The following HSPG2 variants were observed in gnomAD, a reference collection of about 807,000 sequenced individuals.
The protein encoded by HSPG2 is basement membrane-specific heparan sulfate proteoglycan core protein.
In HSPG2, 278 loss-of-function variants were observed where a neutral mutation model predicts 526.6. The observed-to-expected ratio is 0.53, with a 90% CI of 0.48 to 0.58. The LOEUF (loss-of-function observed/expected upper bound fraction) is 0.58. Among genes scored for constraint, HSPG2 ranks in the 20% least tolerant of loss-of-function variants. The pLI, the probability that HSPG2 is intolerant of heterozygous loss-of-function variation, is 0.00. For missense variants in HSPG2, 5,354 were observed against 6,099.5 expected, an observed-to-expected ratio of 0.88 and a Z score of 4.07; for synonymous variants, 2,465 against 2,555.4, an observed-to-expected ratio of 0.96 and a Z score of 1.07.
chr1:21,854,525 C>A, intron 49 of HSPG2, 86 bp downstream of exon 49: 2 of 1,471,142 alleles, frequency 1.4e-6, no homozygotes, highest in Non-Finnish European at 1.8e-6. Flanking sequence ...GGCAGTGTGC[C>A]GCCTCCCCCG....
At position 21,844,309 on chromosome 1, in the gene HSPG2, A is replaced by G. The variant is rs1309368359; in HGVS notation, c.8465-10T>C. On this transcript the variant is annotated splice_polypyrimidine_tract_variant and intron_variant, in intron 64 of 96. Transcript: ENST00000374695. ...GGGGCTCCACCTGGGGCTGGGGCAC[A>G]GGGGAGAGGTCAGTGAGCTGAGATG... is the stretch of plus-strand genomic sequence containing the variant. 1.9e-6 allele frequency: 3 copies of G among 1,609,128 alleles called. No individual in the cohort carries two copies. The highest frequency in any genetic ancestry group is 2.5e-6 in the Non-Finnish European group (3 of 1,176,724).
intron 1 of HSPG2, among the ~76,000 whole-genome samples, chr1:21,913,524 C>G (rs940935746): frequency 6.6e-6 from 1 of 152,224 alleles, no homozygotes; most frequent in Non-Finnish European, 1.5e-5. Flanking sequence ...CCACGGACAG[C>G]CAGGAACCTG....
rs541881124 is a variant in HSPG2 at position 21,845,193 on chromosome 1, C to T, written c.8465-894G>A. Among the ~76,000 whole-genome samples the T allele has an allele frequency of 4.8e-3, 729 of 152,218 alleles. 4 individuals are homozygous for T. The highest frequency in any genetic ancestry group is 8.6e-3 in the Non-Finnish European group (585 of 68,010). On this transcript the variant is annotated intron_variant, in intron 64 of 96. Coordinates refer to ENST00000374695, the MANE Select transcript of HSPG2 (RefSeq NM_005529.7). ...CCCCAGAGGTGGAGATTGCAGTGAG[C>T]CGAGGTCATGCCACTGCACTCCAGC... is the stretch of plus-strand genomic sequence containing the variant.
Position 21,872,267 on chromosome 1 carries a change from G to A in HSPG2, c.4140C>T (p.Ala1380=). The change falls in exon 33 of 97, where the codon GCC becomes GCT. Residue 1380 remains alanine (A), a synonymous_variant. Coordinates refer to ENST00000374695, the MANE Select transcript of HSPG2 (RefSeq NM_005529.7). This position sits in a 1 kb window ranked among gnomAD's most constrained non-coding sequence, Gnocchi z 5.5. ...EFTVEPVPEG[A]QLSFGNFAQL... ...GGGCAAAGTTGCCAAAAGAGAGCTG[G>A]GCACCCTCGGGCACGGGTTCCACAG... is the stretch of plus-strand genomic sequence containing the variant. The A allele has an allele frequency of 6.4e-7, 1 of 1,556,324 alleles. No individual in the cohort carries two copies. The highest frequency in any genetic ancestry group is 1.2e-5 in the South Asian group (1 of 84,300).
Position 21,828,828 on chromosome 1 carries a change from C to T in HSPG2, c.12237+7G>A. The stretch of plus-strand genomic sequence containing the variant: ...CCTCCCGCTTGTCCCGAGGAGGCTG[C>T]TCTTACCTCGCCCACACAGCCGCGG... On this transcript the variant is annotated splice_region_variant and intron_variant, in intron 88 of 96. Transcript: ENST00000374695. The surrounding 1 kb of genome is among the most constrained non-coding windows in gnomAD (Gnocchi z 6.0). The T allele has an allele frequency of 6.4e-7, 1 of 1,550,576 alleles. No individual in the cohort carries two copies. Among genetic ancestry groups the T allele is most frequent in the Non-Finnish European group, 8.7e-7 (1 of 1,146,964 alleles).
intron 75 of HSPG2, among the ~76,000 whole-genome samples, chr1:21,836,135 C>CTTA (rs2152698860): frequency 6.6e-6 from 1 of 152,226 alleles, no homozygotes; most frequent in South Asian, 2.1e-4. Flanking sequence ...AGACAAAGAC[C>CTTA]TTATGGTCTA....
chr1:21,924,112 G>T (rs1286169485), intron 1 of HSPG2, among the ~76,000 whole-genome samples: 1 of 152,188 alleles, frequency 6.6e-6, no homozygotes, highest in Non-Finnish European at 1.5e-5. Flanking sequence ...GGGCACAGGG[G>T]CCATCTCCTT....
At chr1:21,874,856 G>C in intron 26 of HSPG2, 35 bp downstream of exon 26, 1 of 1,563,044 alleles carries the variant, frequency 6.4e-7, no homozygotes, top group Non-Finnish European at 8.8e-7. Flanking sequence ...ACCATGGAGG[G>C]GGCTGGCTGG....
chr1:21,927,310 A>G (rs1644225208), intron 1 of HSPG2, among the ~76,000 whole-genome samples: 1 of 152,186 alleles, frequency 6.6e-6, no homozygotes, highest in African/African-American at 2.4e-5. Context: ...AGCCCAAAGC[A>G]TAGGGTGGGG....
At position 21,823,272 on chromosome 1, in the gene HSPG2, G is replaced by T; in HGVS notation, c.*44C>A. 6.9e-7 allele frequency: 1 copy of T among 1,438,966 alleles called. No homozygotes were observed. Among genetic ancestry groups the T allele is most frequent in the Non-Finnish European group, 9.2e-7 (1 of 1,088,758 alleles). The allele number at this position is 1,438,966 out of a possible 1,614,324, so 89.1% of individuals were successfully genotyped here. On this transcript the variant is annotated 3_prime_UTR_variant, in exon 97 of 97. Transcript: ENST00000374695. ...TAATAATAATATACTCGACATTGTC[G>T]GGCTGGGGCGTGGCCCGGGAGTCCG...
intron 64 of HSPG2, among the ~76,000 whole-genome samples, 160 bp downstream of exon 64, chr1:21,845,948 T>C (rs1405495864): frequency 6.6e-6 from 1 of 152,202 alleles, no homozygotes; most frequent in African/African-American, 2.4e-5. Flanking sequence ...AGCCGGCTCC[T>C]TGGTCCTGGG....
rs190343257 is a variant in HSPG2 at position 21,933,514 on chromosome 1, C to T, written c.63+3641G>A. Among the ~76,000 whole-genome samples, 37 of 152,344 alleles carry T rather than the reference C, an allele frequency of 2.4e-4. No individual in the cohort carries two copies. In the East Asian group the frequency reaches 6.9e-3, roughly 29 times the overall value. On this transcript the variant is annotated intron_variant, in intron 1 of 96. Transcript: ENST00000374695. ...AGAGCTCCTTCCCCTCCACTTTGCT[C>T]ACCCGTCTTCCGGGCCCTGAACCCA...
intron 1 of HSPG2, among the ~76,000 whole-genome samples, chr1:21,914,031 G>A (rs1408582402): frequency 6.6e-6 from 1 of 152,200 alleles, no homozygotes; most frequent in Non-Finnish European, 1.5e-5. Context: ...GATCTGGTGT[G>A]TAGAGAGGGC....
Position 21,822,335 on chromosome 1 carries a change from A to C in HSPG2, c.*981T>G. The C allele has an allele frequency of 3.0e-6, 3 of 992,514 alleles. No individual in the cohort carries two copies. The highest frequency in any genetic ancestry group is 4.7e-6 in the Non-Finnish European group (3 of 635,998). 61.5% of individuals were successfully genotyped at this position (992,514 alleles called of 1,614,324 possible). On this transcript the variant is annotated 3_prime_UTR_variant, in exon 97 of 97. Coordinates refer to ENST00000374695, the MANE Select transcript of HSPG2 (RefSeq NM_005529.7). Reference sequence around the variant, plus strand: ...CACAGAGGCCAGGCGTCCCAACCCCACAGTCTGGGGGCCACTGGCAGGATG... The same window carrying C: ...CACAGAGGCCAGGCGTCCCAACCCCCCAGTCTGGGGGCCACTGGCAGGATG...
intron 6 of HSPG2, among the ~76,000 whole-genome samples, chr1:21,889,565 C>A (rs1161461322): frequency 6.6e-6 from 1 of 150,534 alleles, no homozygotes; most frequent in Non-Finnish European, 1.5e-5. Context: ...GCCTCAGTTC[C>A]CTCGTCTCTG....
Position 21,824,434 on chromosome 1 carries a change from G to A in HSPG2, c.12745-58C>T. 1 of 1,604,176 alleles carries A rather than the reference G, an allele frequency of 6.2e-7. No homozygotes were observed. ...CAGCCTGGAGAGCAGAGGCTGCCGA[G>A]GCCAGGGGGCTCTGCTTTCCCCTCC... is the stretch of plus-strand genomic sequence containing the variant. On this transcript the variant is annotated intron_variant, in intron 93 of 96. Transcript: ENST00000374695. This position sits in a 1 kb window ranked among gnomAD's most constrained non-coding sequence, Gnocchi z 5.9.
chr1:21,822,401 G>C lies in HSPG2; in HGVS notation c.*915C>G. The C allele has an allele frequency of 1.6e-6, 1 of 632,520 alleles. No individual in the cohort carries two copies. The highest frequency in any genetic ancestry group is 2.8e-6 in the Non-Finnish European group (1 of 353,732). 39.2% of individuals were successfully genotyped at this position (632,520 alleles called of 1,614,324 possible). A position where few individuals can be genotyped will look rare whatever the true frequency, so the allele number is the denominator to read the frequency against. ...CTTCAGGCTCCTGCAGATGGGGCAG[G>C]GTGGTCATATCCCCCTCCTCTCTCT... On this transcript the variant is annotated 3_prime_UTR_variant, in exon 97 of 97. Transcript: ENST00000374695.
chr1:21,852,994 G>T lies in HSPG2; in HGVS notation c.6516C>A (p.Asn2172Lys), dbSNP rs751315560. The T allele has an allele frequency of 8.1e-6, 13 of 1,613,792 alleles. No individual in the cohort carries two copies. The highest frequency in any genetic ancestry group is 1.1e-5 in the Non-Finnish European group (13 of 1,179,940). The change falls in exon 51 of 97, where the codon AAC becomes AAA. Residue 2172 changes from asparagine (N) to lysine (K), a missense_variant. Coordinates refer to ENST00000374695, the MANE Select transcript of HSPG2 (RefSeq NM_005529.7). ...CGTGGGCCTGCCCGGGCACCACGCAGTTCAGATCCAGGGTCTGCCCTTCCG... is the reference window on the plus strand; with the variant it reads ...CGTGGGCCTGCCCGGGCACCACGCATTTCAGATCCAGGGTCTGCCCTTCCG... ...HVAEGQTLDL[N>K]CVVPGQAHAQ...
At chr1:21,936,759 GC>G (rs1384746947) in intron 1 of HSPG2, among the ~76,000 whole-genome samples, 4 of 152,200 alleles carry the variant, frequency 2.6e-5, no homozygotes, top group Non-Finnish European at 4.4e-5. Context: ...CCACTGAGTG[GC>G]CGTTCTGCCA....
Sources: allele counts gnomAD v4.1 joint callset (sites outside exome capture counted in the v4.1 genomes callset), GRCh38; gene constraint gnomAD v4.1.1; non-coding constraint Gnocchi (gnomAD v3.1); transcripts MANE v1.5; gene names NCBI Gene and HGNC (gene_info 2026-07-23, HGNC 2026-07-21).